MSRB3: variants seen among roughly 807,000 people sequenced by gnomAD.
MSRB3 encodes the protein methionine sulfoxide reductase B3.
A neutral mutation model predicts 21.0 loss-of-function variants in MSRB3; 13 were observed. That is an observed-to-expected ratio of 0.62 (90% CI 0.40 to 0.98). The LOEUF (loss-of-function observed/expected upper bound fraction) is 0.98, where lower values mean the gene tolerates loss of function less well. Ranked by LOEUF, MSRB3 falls within the 50% of genes least tolerant of loss-of-function variation. The pLI, the probability that MSRB3 is intolerant of heterozygous loss-of-function variation, is 0.00. For missense variants in MSRB3, 199 were observed against 230.3 expected, an observed-to-expected ratio of 0.86 and a Z score of 0.88; for synonymous variants, 87 against 88.6, an observed-to-expected ratio of 0.98 and a Z score of 0.10.
Position 65,441,599 on chromosome 12 carries a change from T to C in MSRB3, c.293-12129T>C, listed in dbSNP as rs530545739. Among the ~76,000 whole-genome samples, 11 of 152,100 alleles carry C rather than the reference T, an allele frequency of 7.2e-5. No homozygotes were observed. In the South Asian group the frequency reaches 2.1e-3, roughly 29 times the overall value. Reference sequence around the variant, plus strand: ...GAATACACTGGGAACAAAACAATTATCTTTCCCTTCCTGGAGCTTACATTC... The same window carrying C: ...GAATACACTGGGAACAAAACAATTACCTTTCCCTTCCTGGAGCTTACATTC... On this transcript the variant is annotated intron_variant, in intron 5 of 6. Coordinates refer to ENST00000308259, the MANE Select transcript of MSRB3 (RefSeq NM_001031679.3).
intron 5 of MSRB3, among the ~76,000 whole-genome samples, chr12:65,371,348 A>AAC (rs71096036): frequency 6.8e-6 from 1 of 146,634 alleles, no homozygotes; most frequent in Non-Finnish European, 1.5e-5. Flanking sequence ...AAAAAAAAAA[A>AAC]GGAAATAAGG....
chr12:65,401,433 C>T (rs1304304034), intron 5 of MSRB3, among the ~76,000 whole-genome samples: 1 of 152,070 alleles, frequency 6.6e-6, no homozygotes, highest in Non-Finnish European at 1.5e-5. Flanking sequence ...GCATTACAAC[C>T]CCTGCTTTTT....
chr12:65,300,157 A>G (rs1199394821), intron 1 of MSRB3, among the ~76,000 whole-genome samples: 3 of 152,142 alleles, frequency 2.0e-5, no homozygotes, highest in African/African-American at 7.2e-5. Context: ...GTGTCCAATA[A>G]ACTTTCAATT....
chr12:65,285,633 C>T (rs1446448465), intron 1 of MSRB3: 8 of 152,042 alleles, frequency 5.3e-5, no homozygotes, highest in East Asian at 3.9e-4. Context: ...CCAGCCTGGG[C>T]GGCGTAGTGA....
intron 4 of MSRB3, among the ~76,000 whole-genome samples, chr12:65,331,670 G>A (rs1157248715): frequency 1.3e-5 from 2 of 152,216 alleles, no homozygotes; most frequent in Non-Finnish European, 2.9e-5. Context: ...GCTCATCGCT[G>A]TGCACAGAAA....
intron 1 of MSRB3, chr12:65,281,633 A>G (rs1028532128): frequency 6.6e-6 from 1 of 152,252 alleles, no homozygotes; most frequent in Non-Finnish European, 1.5e-5. Flanking sequence ...AGTGCTGATT[A>G]TGTCATAGGG....
intron 6 of MSRB3, among the ~76,000 whole-genome samples, chr12:65,459,886 G>A (rs1011496554): frequency 6.6e-6 from 1 of 152,058 alleles, no homozygotes. Context: ...TATTTTAGGG[G>A]GTCCTTTCCC....
intron 1 of MSRB3, among the ~76,000 whole-genome samples, chr12:65,287,882 A>G (rs1872465877): frequency 6.6e-6 from 1 of 152,120 alleles, no homozygotes; most frequent in African/African-American, 2.4e-5. Flanking sequence ...TGAAAAGAAC[A>G]TTTGACAGTG....
intron 4 of MSRB3, among the ~76,000 whole-genome samples, chr12:65,338,449 T>C (rs1368287505): frequency 1.3e-5 from 2 of 152,344 alleles, no homozygotes; most frequent in African/African-American, 4.8e-5. Flanking sequence ...GGTAGATGCT[T>C]GTTACAACAA....
intron 5 of MSRB3, among the ~76,000 whole-genome samples, chr12:65,424,973 T>TTATATATATA (rs149024921): frequency 0.02 from 935 of 47,864 alleles, 9 homozygotes; most frequent in Non-Finnish European, 0.024. Context: ...AATATTTGCT[T>TTATATATATA]TATATATATA....
At chr12:65,461,295 T>A (rs1883319768) in intron 6 of MSRB3, among the ~76,000 whole-genome samples, 1 of 152,220 alleles carries the variant, frequency 6.6e-6, no homozygotes, top group African/African-American at 2.4e-5. Flanking sequence ...CTGGTTCATC[T>A]TAGCTGTGGA....
chr12:65,349,228 G>C (rs1876758388), intron 4 of MSRB3, among the ~76,000 whole-genome samples: 2 of 152,096 alleles, frequency 1.3e-5, no homozygotes, highest in Non-Finnish European at 2.9e-5. Flanking sequence ...CCCCTACAAA[G>C]GACATGAACT....
chr12:65,381,864 G>A (rs1261611335), intron 5 of MSRB3, among the ~76,000 whole-genome samples: 3 of 151,698 alleles, frequency 2.0e-5, no homozygotes, highest in East Asian at 3.9e-4. Context: ...TATTGTATTC[G>A]ATGTTGCAAA....
chr12:65,304,399 A>G (rs1321515410), intron 1 of MSRB3, among the ~76,000 whole-genome samples: 1 of 152,244 alleles, frequency 6.6e-6, no homozygotes, highest in East Asian at 1.9e-4. Flanking sequence ...GGTATTGTGC[A>G]GTCAGTATTT....
At chr12:65,332,291 A>G (rs1340926190) in intron 4 of MSRB3, among the ~76,000 whole-genome samples, 1 of 146,496 alleles carries the variant, frequency 6.8e-6, no homozygotes, top group Non-Finnish European at 1.5e-5. Flanking sequence ...GAAACAATTG[A>G]GGTGTGTGTG....
chr12:65,346,190 C>T (rs1876490718), intron 4 of MSRB3, among the ~76,000 whole-genome samples: 1 of 152,162 alleles, frequency 6.6e-6, no homozygotes, highest in Non-Finnish European at 1.5e-5. Flanking sequence ...AACTAGTTTA[C>T]AGTCCCACCA....
intron 5 of MSRB3, among the ~76,000 whole-genome samples, chr12:65,377,685 G>T (rs1032011531): frequency 3.3e-5 from 5 of 152,166 alleles, no homozygotes; most frequent in African/African-American, 1.2e-4. Context: ...AATAGTAATA[G>T]AAATACATAA....
At chr12:65,386,849 G>A (rs1207241120) in intron 5 of MSRB3, among the ~76,000 whole-genome samples, 2 of 151,928 alleles carry the variant, frequency 1.3e-5, no homozygotes, top group Non-Finnish European at 2.9e-5. Flanking sequence ...GCAATTCAAA[G>A]GATCACAGGA....
chr12:65,388,827 G>C (rs559660475), intron 5 of MSRB3, among the ~76,000 whole-genome samples: 3 of 152,106 alleles, frequency 2.0e-5, no homozygotes, highest in African/African-American at 7.2e-5. Context: ...CGCCATGATC[G>C]TTCGCTGCAC....
Sources: gnomAD v4.1 joint callset for allele counts (sites outside exome capture counted in the v4.1 genomes callset) on GRCh38, gnomAD v4.1.1 for gene constraint, MANE v1.5 for transcripts, NCBI Gene and HGNC (gene_info 2026-07-23, HGNC 2026-07-21) for gene names.